CHST15: variants seen among roughly 807,000 people sequenced by gnomAD.
CHST15 encodes carbohydrate sulfotransferase 15.
A neutral mutation model predicts 53.6 loss-of-function variants in CHST15; 30 were observed. The observed-to-expected ratio is 0.56, with a 90% CI of 0.42 to 0.76. The LOEUF is 0.76. Ranked by LOEUF, CHST15 falls within the 30% of genes least tolerant of loss-of-function variation. CHST15 has a pLI of 0.00. For missense variants in CHST15, 627 were observed against 740.5 expected (o/e 0.85, Z 1.78); for synonymous variants, 296 against 289.8 (o/e 1.02, Z -0.22).
chr10:124,076,751 C>T (rs546951556), intron 1 of CHST15, among the ~76,000 whole-genome samples: 1 of 151,958 alleles, frequency 6.6e-6, no homozygotes, highest in South Asian at 2.1e-4. Context: ...GCTCTGTCGC[C>T]CAGGCTGGAG....
At chr10:124,068,143 G>A (rs568843108) in intron 1 of CHST15, among the ~76,000 whole-genome samples, 2 of 152,266 alleles carry the variant, frequency 1.3e-5, no homozygotes, top group South Asian at 4.1e-4. Flanking sequence ...TGCTCGGGGG[G>A]TCAGAGGCAG....
chr10:124,029,592 G>A (rs1247860339), intron 5 of CHST15, among the ~76,000 whole-genome samples: 4 of 152,162 alleles, frequency 2.6e-5, no homozygotes, highest in South Asian at 2.1e-4. Context: ...TGACATCTCC[G>A]AGCCTGGCGT....
chr10:124,057,590 A>G (rs1401395074), intron 1 of CHST15, among the ~76,000 whole-genome samples: 1 of 152,158 alleles, frequency 6.6e-6, no homozygotes, highest in East Asian at 1.9e-4. Context: ...CAAAGACTCC[A>G]GAGGCTCCAG....
rs1412564424 is a variant in CHST15, at chr10:124,046,223, G to A, written c.-11C>T. ...AATGCAGTGCCTCATGGTAGTGCCA[G>A]TGCCCTGGGCTGCTGGCTTACCGAG... On this transcript the variant is annotated 5_prime_UTR_variant, in exon 2 of 8. Transcript: ENST00000435907. 1 of 1,582,044 alleles carries A rather than the reference G, an allele frequency of 6.3e-7. No homozygotes were observed.
Position 124,086,655 on chromosome 10 carries a change from TTCCTCC to T in CHST15, c.-513+6808_-513+6813del, listed in dbSNP as rs142757457. 6.9e-3 allele frequency among the ~76,000 whole-genome samples: 1,028 copies of T among 149,274 alleles called. 10 individuals are homozygous for T. The highest frequency in any genetic ancestry group is 0.02 in the African/African-American group (814 of 40,474). On this transcript the variant is annotated intron_variant, in intron 1 of 7. Transcript: ENST00000435907. Reference sequence around the variant, plus strand: ...CATCGCATGTGGATTTCCACCTGCCTTCCTCCTCCTCCTCCTCCTCCTCCTCCTCCT... The same window carrying T: ...CATCGCATGTGGATTTCCACCTGCCTTCCTCCTCCTCCTCCTCCTCCTCCT...
Position 124,038,495 on chromosome 10 carries a change from A to G in CHST15, c.1190+20T>C. 1 of 1,610,762 alleles carries G rather than the reference A, an allele frequency of 6.2e-7. No individual in the cohort carries two copies. The highest frequency in any genetic ancestry group is 8.5e-7 in the Non-Finnish European group (1 of 1,177,072). ...AAGTTCCTCTTCTCACCCCAAATAC[A>G]ACACACAGAAACTGCTCACCTCTCC... On this transcript the variant is annotated intron_variant, in intron 5 of 7. Coordinates refer to ENST00000435907, the MANE Select transcript of CHST15 (RefSeq NM_001270764.2).
At chr10:124,085,292 T>C (rs540629512) in intron 1 of CHST15, among the ~76,000 whole-genome samples, 1 of 152,348 alleles carries the variant, frequency 6.6e-6, no homozygotes, top group Admixed American at 6.5e-5. Flanking sequence ...CTCGCCTGAG[T>C]AGACGGCTCC....
At chr10:124,032,394 G>T (rs533596811) in intron 5 of CHST15, among the ~76,000 whole-genome samples, 1 of 152,198 alleles carries the variant, frequency 6.6e-6, no homozygotes, top group South Asian at 2.1e-4. Context: ...CTTAACAGAT[G>T]GTACATGACC....
chr10:124,044,624 A>T lies in CHST15; in HGVS notation c.842T>A (p.Phe281Tyr). The T allele has an allele frequency of 6.3e-7, 1 of 1,587,348 alleles. No individual in the cohort carries two copies. The highest frequency in any genetic ancestry group is 8.6e-7 in the Non-Finnish European group (1 of 1,164,942). ...CCAGTGTGGCTCCTTGATGGCGGAGAACTTGACCTCAGGGTGCAGCCGCAG... is the reference window on the plus strand; with the variant it reads ...CCAGTGTGGCTCCTTGATGGCGGAGTACTTGACCTCAGGGTGCAGCCGCAG... ...DRLRLHPEVKFSAIKEPHWWT... is the reference protein window; with the variant it reads ...DRLRLHPEVKYSAIKEPHWWT... Residue 281 changes from phenylalanine to tyrosine, a missense_variant, in exon 3 of 8, where the codon TTC (phenylalanine) becomes TAC (tyrosine). Phe to Tyr is a conservative substitution (Grantham distance 22). Coordinates refer to ENST00000435907, the MANE Select transcript of CHST15 (RefSeq NM_001270764.2).
intron 1 of CHST15, among the ~76,000 whole-genome samples, chr10:124,051,956 A>T (rs1182108616): frequency 1.3e-5 from 2 of 152,230 alleles, no homozygotes; most frequent in African/African-American, 4.8e-5. Flanking sequence ...GATGTATGAA[A>T]CTTCAGAAGA....
At chr10:124,040,066 A>C (rs983712659) in intron 4 of CHST15, among the ~76,000 whole-genome samples, 3 of 152,166 alleles carry the variant, frequency 2.0e-5, no homozygotes, top group African/African-American at 7.2e-5. Context: ...AAAACGAGTC[A>C]ATCAGAAGTC....
intron 1 of CHST15, among the ~76,000 whole-genome samples, chr10:124,058,312 G>A (rs1165601506): frequency 6.6e-6 from 1 of 152,208 alleles, no homozygotes; most frequent in Non-Finnish European, 1.5e-5. Context: ...GGCAAAAGAA[G>A]AAGGAAATGC....
intron 5 of CHST15, among the ~76,000 whole-genome samples, chr10:124,025,935 T>C (rs928621178): frequency 2.6e-5 from 4 of 152,156 alleles, no homozygotes; most frequent in African/African-American, 9.7e-5. Flanking sequence ...GACATCTTGA[T>C]TTAGGACTTC....
intron 1 of CHST15, among the ~76,000 whole-genome samples, chr10:124,089,959 C>T (rs1949557332): frequency 6.6e-6 from 1 of 152,186 alleles, no homozygotes; most frequent in Non-Finnish European, 1.5e-5. Flanking sequence ...ATTCATTCAA[C>T]AGCTGCTGAA....
intron 1 of CHST15, among the ~76,000 whole-genome samples, chr10:124,077,648 A>G (rs917320545): frequency 1.3e-5 from 2 of 152,238 alleles, no homozygotes; most frequent in Non-Finnish European, 2.9e-5. Context: ...TGCAGTTTAA[A>G]CACCATTTAC....
chr10:124,009,112 G>A lies in CHST15; in HGVS notation c.*1037C>T, dbSNP rs534267092. ...AATGTGGAAATAAACTATTTCCAATGGGAAGGCAGAGAAATGGAGCCTGTA... is the reference window on the plus strand; with the variant it reads ...AATGTGGAAATAAACTATTTCCAATAGGAAGGCAGAGAAATGGAGCCTGTA... On this transcript the variant is annotated 3_prime_UTR_variant, in exon 8 of 8. Coordinates refer to ENST00000435907, the MANE Select transcript of CHST15 (RefSeq NM_001270764.2). The A allele has an allele frequency of 6.4e-6, 8 of 1,258,346 alleles. No individual in the cohort carries two copies. The South Asian group carries it at 1.0e-4, about 16-fold the overall frequency. The allele number at this position is 1,258,346 out of a possible 1,614,324, so 77.9% of individuals were successfully genotyped here. A position where few individuals can be genotyped will look rare whatever the true frequency, so the allele number is the denominator to read the frequency against.
At chr10:124,053,555 G>GTGAT (rs1948277595) in intron 1 of CHST15, among the ~76,000 whole-genome samples, 1 of 151,078 alleles carries the variant, frequency 6.6e-6, no homozygotes, top group South Asian at 2.1e-4. Flanking sequence ...GCGCAGTGGT[G>GTGAT]TGATCTCTAC....
At chr10:124,072,173 A>G (rs1471438953) in intron 1 of CHST15, among the ~76,000 whole-genome samples, 2 of 152,236 alleles carry the variant, frequency 1.3e-5, no homozygotes, top group Non-Finnish European at 2.9e-5. Flanking sequence ...TAACCCGGGC[A>G]CAGGTTTTCC....
intron 5 of CHST15, among the ~76,000 whole-genome samples, chr10:124,026,138 T>C (rs1156479118): frequency 6.6e-6 from 1 of 151,794 alleles, no homozygotes; most frequent in Non-Finnish European, 1.5e-5. Context: ...GCCCTGAGGG[T>C]AGGGGAGGAC....
Sources: allele counts gnomAD v4.1 joint callset (sites outside exome capture counted in the v4.1 genomes callset), GRCh38; gene constraint gnomAD v4.1.1; transcripts MANE v1.5; gene names NCBI Gene and HGNC (gene_info 2026-07-23, HGNC 2026-07-21).